AKAP19: variants seen among roughly 807,000 people sequenced by gnomAD.
The protein encoded by AKAP19 is small A-kinase anchoring protein.
the AKAP19 span, among the ~76,000 whole-genome samples, chr2:190,063,626 A>T: frequency 6.6e-6 from 1 of 152,142 alleles, no homozygotes; most frequent in East Asian, 1.9e-4. Flanking sequence ...TCTATAAATT[A>T]TATCAGAATA....
At chr2:189,999,239 G>A in the AKAP19 span, among the ~76,000 whole-genome samples, 5 of 152,056 alleles carry the variant, frequency 3.3e-5, 1 homozygote, top group Admixed American at 3.3e-4. Context: ...TTACCTGTAA[G>A]CACTGCTTTA....
At chr2:190,078,800 C>T in the AKAP19 span, among the ~76,000 whole-genome samples, 21 of 151,868 alleles carry the variant, frequency 1.4e-4, no homozygotes, top group African/African-American at 4.8e-4. Context: ...TAGGATTTTA[C>T]CCTCTGATCA....
chr2:189,898,457 T>C, the AKAP19 span, among the ~76,000 whole-genome samples: 1 of 152,186 alleles, frequency 6.6e-6, no homozygotes, highest in Non-Finnish European at 1.5e-5. Context: ...TTTCATCTTT[T>C]CTCTCATCCA....
At chr2:189,953,086 A>G in the AKAP19 span, among the ~76,000 whole-genome samples, 1 of 144,446 alleles carries the variant, frequency 6.9e-6, no homozygotes, top group Non-Finnish European at 1.5e-5. Flanking sequence ...TTTGGTGCCT[A>G]TTGTTAAATG....
At chr2:190,044,666 C>T in the AKAP19 span, among the ~76,000 whole-genome samples, 1 of 152,116 alleles carries the variant, frequency 6.6e-6, no homozygotes, top group South Asian at 2.1e-4. Flanking sequence ...CTAGAATGGG[C>T]ACCCATGTAA....
the AKAP19 span, among the ~76,000 whole-genome samples, chr2:190,071,851 C>T: frequency 4.0e-5 from 6 of 150,724 alleles, no homozygotes; most frequent in African/African-American, 1.5e-4. Flanking sequence ...CAGACAAATG[C>T]TAACAAAAAA....
chr2:190,115,509 C>T, the AKAP19 span, among the ~76,000 whole-genome samples: 1 of 143,578 alleles, frequency 7.0e-6, no homozygotes, highest in African/African-American at 2.6e-5. Context: ...TTAGTAGAGA[C>T]GGGGTTTCAC....
the AKAP19 span, chr2:190,057,238 A>C: frequency 6.2e-7 from 1 of 1,612,634 alleles, no homozygotes; most frequent in Admixed American, 1.7e-5. Flanking sequence ...TTAGGAAGTT[A>C]TGAACGCTTA....
the AKAP19 span, among the ~76,000 whole-genome samples, chr2:189,934,997 C>T: frequency 1.3e-5 from 2 of 151,874 alleles, no homozygotes; most frequent in East Asian, 3.9e-4. Context: ...ATGCATGTAG[C>T]GTTTTTAAAT....
chr2:189,924,261 T>C, the AKAP19 span: 3 of 1,275,994 alleles, frequency 2.4e-6, no homozygotes, highest in Non-Finnish European at 3.4e-6. Flanking sequence ...TTTCTTTACC[T>C]AGGCGCTTGT....
the AKAP19 span, among the ~76,000 whole-genome samples, chr2:190,076,496 A>G: frequency 6.6e-6 from 1 of 152,174 alleles, no homozygotes; most frequent in South Asian, 2.1e-4. Context: ...AAATCCTCTC[A>G]GCTTTTGTTT....
At chr2:189,954,850 C>T in the AKAP19 span, among the ~76,000 whole-genome samples, 1 of 152,174 alleles carries the variant, frequency 6.6e-6, no homozygotes, top group African/African-American at 2.4e-5. Flanking sequence ...TTGCATACTA[C>T]TGATGTTTAA....
the AKAP19 span, among the ~76,000 whole-genome samples, chr2:189,897,861 A>G: frequency 6.6e-6 from 1 of 152,132 alleles, no homozygotes; most frequent in Non-Finnish European, 1.5e-5. Context: ...AGTTATATGT[A>G]CCCCAGACAT....
At chr2:190,061,037 G>A in the AKAP19 span, among the ~76,000 whole-genome samples, 588 of 152,140 alleles carry the variant, frequency 3.9e-3, 5 homozygotes, top group African/African-American at 0.014. Context: ...TATCTGAAAA[G>A]TTCGAAAGTA....
the AKAP19 span, among the ~76,000 whole-genome samples, chr2:190,089,210 A>G: frequency 6.6e-6 from 1 of 152,132 alleles, no homozygotes; most frequent in African/African-American, 2.4e-5. Flanking sequence ...GTCCATTTCA[A>G]CTAGGTTTTG....
the AKAP19 span, among the ~76,000 whole-genome samples, chr2:189,948,365 G>GT: frequency 0.6 from 91,553 of 151,418 alleles, 31,222 homozygotes; most frequent in South Asian, 0.79. Context: ...ACATATGCCT[G>GT]TTTTTTTTGC....
the AKAP19 span, among the ~76,000 whole-genome samples, chr2:189,967,607 T>C: frequency 6.6e-6 from 1 of 152,170 alleles, no homozygotes; most frequent in African/African-American, 2.4e-5. Context: ...TTCTCACAGA[T>C]ATACTTCATT....
At chr2:190,171,591 A>G in the AKAP19 span, among the ~76,000 whole-genome samples, 1 of 152,018 alleles carries the variant, frequency 6.6e-6, no homozygotes, top group South Asian at 2.1e-4. Flanking sequence ...ACGTGATTCC[A>G]TTTTTCTTCA....
the AKAP19 span, among the ~76,000 whole-genome samples, chr2:190,198,655 AG>A: frequency 5.2e-4 from 72 of 138,712 alleles, no homozygotes; most frequent in South Asian, 2.2e-3. Flanking sequence ...AAAAAAAAAA[AG>A]GTGTTTTCAG....
Sources: allele counts gnomAD v4.1 joint callset (sites outside exome capture counted in the v4.1 genomes callset), GRCh38; gene constraint gnomAD v4.1.1; transcripts MANE v1.5; gene names NCBI Gene and HGNC (gene_info 2026-07-23, HGNC 2026-07-21).